TMEM132C: variants seen among roughly 807,000 people sequenced by gnomAD.
TMEM132C encodes the protein transmembrane protein 132C.
In TMEM132C, 29 loss-of-function variants were observed where a neutral mutation model predicts 61.4. The ratio of observed to expected loss-of-function variants is 0.47; its 90% CI spans 0.35 to 0.64. The LOEUF is 0.64. Among genes scored for constraint, TMEM132C ranks in the 30% least tolerant of loss-of-function variants. The pLI, the probability that TMEM132C is intolerant of heterozygous loss-of-function variation, is 0.00. For missense variants in TMEM132C, 1,408 were observed against 1,476.9 expected (o/e 0.95, Z 0.76); for synonymous variants, 656 against 633.1 (o/e 1.04, Z -0.54).
intron 3 of TMEM132C, among the ~76,000 whole-genome samples, chr12:128,556,714 G>A (rs565167356): frequency 4.6e-5 from 7 of 152,162 alleles, no homozygotes; most frequent in African/African-American, 1.4e-4. Context: ...CATGGAGGGA[G>A]CCCTATTGTC....
chr12:128,373,106 G>C (rs558028512), intron 1 of TMEM132C, among the ~76,000 whole-genome samples: 1 of 152,120 alleles, frequency 6.6e-6, no homozygotes, highest in East Asian at 1.9e-4. Flanking sequence ...ACAAGCTATC[G>C]GAGGAGGAAC....
intron 4 of TMEM132C, among the ~76,000 whole-genome samples, chr12:128,658,583 G>A (rs1193709328): frequency 1.3e-5 from 2 of 151,978 alleles, no homozygotes; most frequent in Non-Finnish European, 2.9e-5. Context: ...CTATGGTTAA[G>A]TCCAGAAAGG....
chr12:128,507,788 G>T (rs759137689), intron 2 of TMEM132C, among the ~76,000 whole-genome samples: 7 of 152,184 alleles, frequency 4.6e-5, no homozygotes, highest in Non-Finnish European at 8.8e-5. Context: ...ACTCCTCCAA[G>T]GCTCCGCAGA....
intron 5 of TMEM132C, among the ~76,000 whole-genome samples, chr12:128,675,838 A>AAGATAGATAGATAGATAGAT (rs369218169): frequency 2.1e-5 from 3 of 143,126 alleles, no homozygotes; most frequent in East Asian, 2.0e-4. Context: ...AGATAGATAG[A>AAGATAGATAGATAGATAGAT]AGATAGATAG....
intron 3 of TMEM132C, among the ~76,000 whole-genome samples, chr12:128,546,932 T>C (rs1231978588): frequency 6.6e-6 from 1 of 152,212 alleles, no homozygotes; most frequent in African/African-American, 2.4e-5. Context: ...ATGGCCTCTG[T>C]CATGTCCATT....
chr12:128,672,309 A>G (rs1446229956), intron 5 of TMEM132C, among the ~76,000 whole-genome samples: 1 of 152,074 alleles, frequency 6.6e-6, no homozygotes, highest in African/African-American at 2.4e-5. Context: ...AGCCCCCTAA[A>G]AGCCAGAACA....
chr12:128,528,820 A>G (rs1417686123), intron 2 of TMEM132C, among the ~76,000 whole-genome samples: 1 of 152,168 alleles, frequency 6.6e-6, no homozygotes. Context: ...TTGGGTGGAT[A>G]ATTCATAGCA....
At chr12:128,353,887 A>G (rs1873416834) in intron 1 of TMEM132C, among the ~76,000 whole-genome samples, 1 of 152,182 alleles carries the variant, frequency 6.6e-6, no homozygotes, top group Non-Finnish European at 1.5e-5. Context: ...TCCTCGTATC[A>G]CGGGGTTGCT....
chr12:128,668,057 C>G (rs12228659), intron 4 of TMEM132C, among the ~76,000 whole-genome samples: 82,998 of 152,088 alleles, frequency 0.55, 24,675 homozygotes, highest in African/African-American at 0.81. Flanking sequence ...AGGATCGCTT[C>G]AAGCTAGGAG....
At chr12:128,642,670 G>A (rs550600558) in intron 4 of TMEM132C, among the ~76,000 whole-genome samples, 165 of 152,166 alleles carry the variant, frequency 1.1e-3, no homozygotes, top group Non-Finnish European at 1.9e-3. Context: ...TTCCCCAGAG[G>A]CAGATGCCAG....
At chr12:128,396,398 C>A (rs1057448767) in intron 1 of TMEM132C, among the ~76,000 whole-genome samples, 2 of 151,374 alleles carry the variant, frequency 1.3e-5, no homozygotes, top group Non-Finnish European at 2.9e-5. Flanking sequence ...GGGTGAGGGG[C>A]AGGGGAAGAG....
intron 1 of TMEM132C, among the ~76,000 whole-genome samples, chr12:128,384,998 G>A (rs1038628381): frequency 3.3e-5 from 5 of 152,206 alleles, no homozygotes; most frequent in Non-Finnish European, 7.3e-5. Context: ...TCCTGTCTTG[G>A]TGTTCGTCCC....
chr12:128,307,450 C>T (rs1871821700), intron 1 of TMEM132C, among the ~76,000 whole-genome samples: 1 of 150,650 alleles, frequency 6.6e-6, no homozygotes, highest in African/African-American at 2.4e-5. Context: ...TAGGAAAAAA[C>T]AGCAAAGCTA....
At chr12:128,370,562 G>A (rs995600956) in intron 1 of TMEM132C, among the ~76,000 whole-genome samples, 2 of 151,844 alleles carry the variant, frequency 1.3e-5, no homozygotes, top group South Asian at 2.1e-4. Context: ...CAAGCAGGAC[G>A]GAGGTAGAGA....
chr12:128,445,005 G>A (rs1169257334), intron 2 of TMEM132C, among the ~76,000 whole-genome samples: 1 of 152,132 alleles, frequency 6.6e-6, no homozygotes, highest in Non-Finnish European at 1.5e-5. Context: ...CGCCGTTGGG[G>A]TTAATTGAAG....
At chr12:128,461,142 G>A (rs1870519959) in intron 2 of TMEM132C, among the ~76,000 whole-genome samples, 1 of 152,172 alleles carries the variant, frequency 6.6e-6, no homozygotes, top group Admixed American at 6.5e-5. Flanking sequence ...TGTGTAACTT[G>A]CACCTCAAAG....
intron 6 of TMEM132C, 136 bp downstream of exon 6, chr12:128,694,170 C>A: frequency 9.4e-7 from 1 of 1,059,526 alleles, no homozygotes; most frequent in Non-Finnish European, 1.3e-6. Context: ...CCCAGATAAC[C>A]CAGCCAGGCC....
At position 128,612,547 on chromosome 12, in the gene TMEM132C, C is replaced by T. The variant is rs940668563; in HGVS notation, c.1122-3605C>T. On this transcript the variant is annotated intron_variant, in intron 3 of 8. Transcript: ENST00000435159. The stretch of plus-strand genomic sequence containing the variant: ...GTTGAAGAGCAAGTTGATGCAAACA[C>T]ACTTTCTGGCTGCAGAGGTTCAAAA... 5.9e-5 allele frequency among the ~76,000 whole-genome samples: 9 copies of T among 152,330 alleles called. 2 individuals carry two copies. The highest frequency in any genetic ancestry group is 5.2e-4 in the Admixed American group (8 of 15,304).
chr12:128,500,756 G>A (rs1872144751), intron 2 of TMEM132C, among the ~76,000 whole-genome samples: 1 of 152,120 alleles, frequency 6.6e-6, no homozygotes, highest in Non-Finnish European at 1.5e-5. Flanking sequence ...AGATGCTATG[G>A]AAAGCAATTT....
Sources: gnomAD v4.1 joint callset for allele counts (sites outside exome capture counted in the v4.1 genomes callset) on GRCh38, gnomAD v4.1.1 for gene constraint, MANE v1.5 for transcripts, NCBI Gene and HGNC (gene_info 2026-07-23, HGNC 2026-07-21) for gene names.